TRIM64C: variants seen among roughly 807,000 people sequenced by gnomAD.
TRIM64C encodes tripartite motif containing 64C.
TRIM64C carries 25 observed loss-of-function variants against 36.1 expected under a neutral mutation model. That is an observed-to-expected ratio of 0.69 (90% confidence interval 0.51 to 0.97). The LOEUF is 0.97. Ranked by LOEUF, TRIM64C falls within the 50% of genes least tolerant of loss-of-function variation. The pLI, the probability that TRIM64C is intolerant of heterozygous loss-of-function variation, is 0.00. For missense variants in TRIM64C, 489 were observed against 536.8 expected, an observed-to-expected ratio of 0.91 and a Z score of 0.88; for synonymous variants, 212 against 185.7, an observed-to-expected ratio of 1.14 and a Z score of -1.15.
chr11:49,053,991 C>T lies in TRIM64C; in HGVS notation c.1076G>A (p.Arg359Gln), dbSNP rs775928178. ...HSSNWILGVC[R>Q]DSRTADTNIV... Reference sequence around the variant, plus strand: ...ATTGGTATCTGCTGTCCTAGAATCTCGACAGACTCCCAGAATCCAGTTGGA... The same window carrying T: ...ATTGGTATCTGCTGTCCTAGAATCTTGACAGACTCCCAGAATCCAGTTGGA... Residue 359 changes from arginine to glutamine, a missense_variant, in exon 6 of 6, where the codon CGA becomes CAA. Transcript: ENST00000617704. The T allele has an allele frequency of 3.1e-5, 48 of 1,551,450 alleles. No homozygotes were observed. The highest frequency in any genetic ancestry group is 3.3e-4 in the Middle Eastern group (2 of 6,010).
At chr11:49,058,375 C>A (rs1268313997) in intron 1 of TRIM64C, among the ~76,000 whole-genome samples, 4 of 151,800 alleles carry the variant, frequency 2.6e-5, no homozygotes, top group Admixed American at 6.6e-5. Context: ...AGGGACCTTT[C>A]AGATAATATC....
intron 3 of TRIM64C, 36 bp downstream of exon 3, chr11:49,057,112 G>C (rs1455152114): frequency 4.5e-6 from 7 of 1,548,420 alleles, no homozygotes; most frequent in Non-Finnish European, 6.1e-6. Flanking sequence ...TCCAGCAAAG[G>C]CTTCCTGTCT....
chr11:49,057,315 C>A lies in TRIM64C; in HGVS notation c.571G>T (p.Asp191Tyr). 6.5e-7 allele frequency: 1 copy of A among 1,549,728 alleles called. No individual in the cohort carries two copies. Among genetic ancestry groups the A allele is most frequent in the Non-Finnish European group, 8.7e-7 (1 of 1,146,964 alleles). ...IQYQKMHIFL[D>Y]EEEQRHLQAL... is the part of the protein sequence containing the mutation. Reference sequence around the variant, plus strand: ...TGCAGATGCCGTTGCTCCTCCTCATCGAGAAATATATGCATCTTTTGATAC... The same window carrying A: ...TGCAGATGCCGTTGCTCCTCCTCATAGAGAAATATATGCATCTTTTGATAC... The change falls in exon 3 of 6, where the codon GAT (aspartate) becomes TAT (tyrosine). Residue 191 changes from aspartate to tyrosine, a missense_variant. Physicochemically the swap from Asp to Tyr is radical, Grantham distance 160 (BLOSUM62 -3). Transcript: ENST00000617704.
intron 4 of TRIM64C, among the ~76,000 whole-genome samples, chr11:49,056,085 T>A (rs893660124): frequency 2.9e-4 from 44 of 151,822 alleles, no homozygotes; most frequent in Non-Finnish European, 3.1e-4. Flanking sequence ...TCAGAGTAAT[T>A]TTGTATTAAG....
At chr11:49,058,575 T>C in intron 1 of TRIM64C, 126 bp downstream of exon 1, 2 of 1,478,298 alleles carry the variant, frequency 1.4e-6, no homozygotes, top group Middle Eastern at 2.5e-4. Context: ...GACACATTTA[T>C]GTGTTATGAT....
chr11:49,054,691 A>T (rs1854792182), intron 5 of TRIM64C, among the ~76,000 whole-genome samples: 1 of 151,984 alleles, frequency 6.6e-6, no homozygotes, highest in Non-Finnish European at 1.5e-5. Context: ...GCTTTACATT[A>T]TCTGTTTAGC....
rs556188637 is a variant in TRIM64C at position 49,057,341 on chromosome 11, T to C, written c.545A>G (p.Gln182Arg). 1.3e-6 allele frequency: 2 copies of C among 1,549,846 alleles called. No individual in the cohort carries two copies. The highest frequency in any genetic ancestry group is 2.3e-4 in the Middle Eastern group (1 of 4,366). The part of the protein sequence containing the change: ...VSLRKVIITI[Q>R]YQKMHIFLDE... ...GAGAAATATATGCATCTTTTGATAC[T>C]GAATAGTGATTATCACCTTCCTTAA... The change falls in exon 3 of 6, where the codon CAG (glutamine) becomes CGG (arginine). Residue 182 changes from glutamine to arginine, a missense_variant. Physicochemically the swap from Gln to Arg is conservative, Grantham distance 43. Coordinates refer to ENST00000617704, the MANE Select transcript of TRIM64C (RefSeq NM_001206631.1).
intron 5 of TRIM64C, among the ~76,000 whole-genome samples, chr11:49,054,760 T>C (rs1177904293): frequency 6.6e-6 from 1 of 152,216 alleles, no homozygotes; most frequent in Non-Finnish European, 1.5e-5. Flanking sequence ...CTCTCTAGAA[T>C]GGGCCTAACA....
At position 49,053,941 on chromosome 11, in the gene TRIM64C, A is replaced by G. The variant is rs777920433; in HGVS notation, c.1126T>C (p.Phe376Leu). The part of the protein sequence containing the change: ...TNIVIDSDKT[F>L]FSISSKTSNH... ...CTCGTCTTTGAAGAAATTGAAAAAA[A>G]TGTTTTGTCAGAATCAATAACTATA... Residue 376 changes from phenylalanine to leucine, a missense_variant, in exon 6 of 6, where the codon TTT becomes CTT. Physicochemically the swap from Phe to Leu is conservative, Grantham distance 22. Transcript: ENST00000617704. 1.9e-6 allele frequency: 3 copies of G among 1,551,604 alleles called. No homozygotes were observed. Among genetic ancestry groups the G allele is most frequent in the Non-Finnish European group, 2.6e-6 (3 of 1,146,848 alleles).
Position 49,056,343 on chromosome 11 carries a change from T to G in TRIM64C, c.761+16A>C. ...CAAATTTTTCAGAAATAGCATTTTT[T>G]TTAGTGTAAACTCACCTTGCCGATA... On this transcript the variant is annotated intron_variant, in intron 4 of 5. Transcript: ENST00000617704. 1 of 1,538,416 alleles carries G rather than the reference T, an allele frequency of 6.5e-7. No individual in the cohort carries two copies. The highest frequency in any genetic ancestry group is 8.8e-7 in the Non-Finnish European group (1 of 1,137,760).
intron 5 of TRIM64C, among the ~76,000 whole-genome samples, chr11:49,054,540 A>G (rs1270843056): frequency 6.6e-6 from 1 of 152,218 alleles, no homozygotes; most frequent in Non-Finnish European, 1.5e-5. Flanking sequence ...TGTCTTTAAG[A>G]TAATCAACAG....
At chr11:49,056,479 T>G in intron 3 of TRIM64C, 98 bp from the exon 4 acceptor site, 1 of 1,015,722 alleles carries the variant, frequency 9.8e-7, no homozygotes, top group South Asian at 1.4e-5. Flanking sequence ...GTTTTAATAA[T>G]GTATATCTTT....
Position 49,058,843 on chromosome 11 carries a change from A to G in TRIM64C, c.270T>C (p.Asn90=), listed in dbSNP as rs1854846866. ...TRPQNINSSD[N]ICVLHEETKE... ...TAGTCTCCTCATGGAGCACACAGAT[A>G]TTGTCTGAGCTGTTGATGTTCTGAG... The change falls in exon 1 of 6, where the codon AAT becomes AAC. Residue 90 remains asparagine, a synonymous_variant. Transcript: ENST00000617704. 5.8e-6 allele frequency: 9 copies of G among 1,549,336 alleles called. No individual in the cohort carries two copies. The highest frequency in any genetic ancestry group is 1.2e-5 in the South Asian group (1 of 83,960).
chr11:49,054,565 G>T (rs910375356), intron 5 of TRIM64C, among the ~76,000 whole-genome samples: 2 of 152,060 alleles, frequency 1.3e-5, no homozygotes, highest in African/African-American at 4.8e-5. Context: ...ACATCAATTT[G>T]CTGTGATGTG....
rs1001191359 is a variant in TRIM64C at position 49,058,901 on chromosome 11, T to C, written c.212A>G (p.Lys71Arg). ...CTGTCTGGCTAGGGAAGCCAGCTTTTTGAGTGCCACATTGGTGTTGAAGTT... is the reference window on the plus strand; with the variant it reads ...CTGTCTGGCTAGGGAAGCCAGCTTTCTGAGTGCCACATTGGTGTTGAAGTT... ...KPNFNTNVALKKLASLARQTR... is the reference protein window; with the variant it reads ...KPNFNTNVALRKLASLARQTR... The change falls in exon 1 of 6, where the codon AAA (lysine) becomes AGA (arginine). Residue 71 changes from lysine (K) to arginine (R), a missense_variant. Physicochemically the swap from Lys to Arg is conservative, Grantham distance 26. Coordinates refer to ENST00000617704, the MANE Select transcript of TRIM64C (RefSeq NM_001206631.1). 1.3e-6 allele frequency: 2 copies of C among 1,550,760 alleles called. No individual in the cohort carries two copies. Among genetic ancestry groups the C allele is most frequent in the Non-Finnish European group, 1.7e-6 (2 of 1,146,928 alleles).
Position 49,057,971 on chromosome 11 carries a change from G to C in TRIM64C, c.507+107C>G. On this transcript the variant is annotated intron_variant, in intron 2 of 5. Coordinates refer to ENST00000617704, the MANE Select transcript of TRIM64C (RefSeq NM_001206631.1). ...TCAATTGAAATCACTACATTTTCTT[G>C]AGGTGAAATCACTATCTTTTAACTG... is the stretch of plus-strand genomic sequence containing the variant. 4.1e-6 allele frequency: 3 copies of C among 737,396 alleles called. No individual in the cohort carries two copies. The South Asian group carries it at 5.1e-5, about 13-fold the overall frequency. 45.7% of individuals were successfully genotyped at this position (737,396 alleles called of 1,614,324 possible).
At position 49,057,381 on chromosome 11, in the gene TRIM64C, G is replaced by T. The variant is rs1854826005; in HGVS notation, c.508-3C>A. On this transcript the variant is annotated splice_region_variant and splice_polypyrimidine_tract_variant and intron_variant, in intron 2 of 5. Transcript: ENST00000617704. ...ACCTTCCTTAATGACACATAGTCCT[G>T]CAGAGACGTTTGGTTAAAAGGATTA... 1 of 1,549,358 alleles carries T rather than the reference G, an allele frequency of 6.5e-7. No homozygotes were observed. Among genetic ancestry groups the T allele is most frequent in the South Asian group, 1.2e-5 (1 of 83,950 alleles).
At chr11:49,054,234 T>C in intron 5 of TRIM64C, 27 bp from the exon 6 acceptor site, 2 of 1,541,776 alleles carry the variant, frequency 1.3e-6, no homozygotes, top group South Asian at 2.4e-5. Flanking sequence ...ATTATATTAG[T>C]GAGTGCTATG....
In TRIM64C at chr11:49,054,035, T is replaced by C; in HGVS notation, c.1032A>G (p.Glu344=). 2.6e-6 allele frequency: 4 copies of C among 1,551,586 alleles called. No individual in the cohort carries two copies. The highest frequency in any genetic ancestry group is 3.5e-6 in the Non-Finnish European group (4 of 1,146,842). The change falls in exon 6 of 6, where the codon GAA becomes GAG. Residue 344 remains glutamate (E), a synonymous_variant. Coordinates refer to ENST00000617704, the MANE Select transcript of TRIM64C (RefSeq NM_001206631.1). ...AGTTGGAGGAGTGGGTCACATCCAC[T>C]TCCCAGTAATGCTTGCCGGAGGTGA... ...QAFTSGKHYW[E]VDVTHSSNWI...
Sources: gnomAD v4.1 joint callset for allele counts (sites outside exome capture counted in the v4.1 genomes callset) on GRCh38, gnomAD v4.1.1 for gene constraint, MANE v1.5 for transcripts, NCBI Gene and HGNC (gene_info 2026-07-23, HGNC 2026-07-21) for gene names.